IGSF21: variants seen among roughly 807,000 people sequenced by gnomAD.
IGSF21 encodes the protein immunoglobulin superfamily member 21.
A neutral mutation model predicts 46.8 loss-of-function variants in IGSF21; 28 were observed. The observed-to-expected ratio is 0.60, with a 90% CI of 0.44 to 0.82. The LOEUF (loss-of-function observed/expected upper bound fraction) is 0.82. Among genes scored for constraint, IGSF21 ranks in the 40% least tolerant of loss-of-function variants. IGSF21 has a pLI of 0.00. For synonymous variants in IGSF21, 284 were observed against 273.6 expected (o/e 1.04, Z -0.38); for missense variants, 624 against 665.5 (o/e 0.94, Z 0.69).
intron 2 of IGSF21, among the ~76,000 whole-genome samples, chr1:18,234,342 A>G (rs2084654305): frequency 6.6e-6 from 1 of 152,166 alleles, no homozygotes; most frequent in Non-Finnish European, 1.5e-5. Context: ...GTCTTATCAT[A>G]TCAGTCACAT....
chr1:18,281,008 TA>T (rs1367490144), intron 2 of IGSF21, among the ~76,000 whole-genome samples: 1 of 152,182 alleles, frequency 6.6e-6, no homozygotes, highest in Non-Finnish European at 1.5e-5. Flanking sequence ...CACCTGCTGC[TA>T]ATGTTTCTCT....
At chr1:18,287,485 TG>T (rs2085226380) in intron 2 of IGSF21, among the ~76,000 whole-genome samples, 1 of 152,132 alleles carries the variant, frequency 6.6e-6, no homozygotes, top group Non-Finnish European at 1.5e-5. Flanking sequence ...CAAGGACCTG[TG>T]TGTTTGTTCA....
intron 1 of IGSF21, among the ~76,000 whole-genome samples, chr1:18,222,759 A>T (rs563761769): frequency 6.6e-6 from 1 of 152,200 alleles, no homozygotes; most frequent in African/African-American, 2.4e-5. Flanking sequence ...CGTGCAGGGT[A>T]TGTGGAAGAT....
At chr1:18,324,780 GTGTGTCCCTAC>G (rs1553163735) in intron 3 of IGSF21, among the ~76,000 whole-genome samples, 1 of 152,162 alleles carries the variant, frequency 6.6e-6, no homozygotes, top group Non-Finnish European at 1.5e-5. Context: ...CCCGGAGGAA[GTGTGTCCCTAC>G]TGTGTCCCTG....
intron 9 of IGSF21, among the ~76,000 whole-genome samples, chr1:18,377,927 C>T (rs1270902896): frequency 6.6e-6 from 1 of 152,200 alleles, no homozygotes; most frequent in Non-Finnish European, 1.5e-5. Flanking sequence ...AGCCTGAGCA[C>T]CACCCCAGGG....
chr1:18,111,877 A>C (rs1278844643), intron 1 of IGSF21: 3 of 152,270 alleles, frequency 2.0e-5, no homozygotes, highest in Non-Finnish European at 4.4e-5. Context: ...GGCCGCAAAG[A>C]ATCCCTTGGG....
At chr1:18,235,429 T>C (rs1017593963) in intron 2 of IGSF21, among the ~76,000 whole-genome samples, 4 of 152,140 alleles carry the variant, frequency 2.6e-5, no homozygotes, top group Non-Finnish European at 1.5e-5. Flanking sequence ...GCAGTGCATA[T>C]AATTAAAATC....
intron 3 of IGSF21, among the ~76,000 whole-genome samples, chr1:18,321,783 A>G (rs1286109555): frequency 6.6e-6 from 1 of 152,216 alleles, no homozygotes; most frequent in African/African-American, 2.4e-5. Context: ...TGAGGAGGAC[A>G]CAGACATTTG....
At chr1:18,287,958 G>A (rs970743706) in intron 2 of IGSF21, among the ~76,000 whole-genome samples, 1 of 151,952 alleles carries the variant, frequency 6.6e-6, no homozygotes, top group African/African-American at 2.4e-5. Flanking sequence ...GGGTGGGGAG[G>A]GACACAGAAA....
At chr1:18,189,222 T>C (rs950785122) in intron 1 of IGSF21, among the ~76,000 whole-genome samples, 6 of 152,224 alleles carry the variant, frequency 3.9e-5, no homozygotes, top group Admixed American at 3.9e-4. Flanking sequence ...TCTTGCTATG[T>C]AGTTCTCTCT....
chr1:18,190,702 C>T (rs1239957701), intron 1 of IGSF21, among the ~76,000 whole-genome samples: 2 of 152,140 alleles, frequency 1.3e-5, no homozygotes, highest in East Asian at 3.9e-4. Flanking sequence ...AAGCCCCGGG[C>T]AGAAGGCTGG....
At chr1:18,177,264 G>C (rs2124465498) in intron 1 of IGSF21, among the ~76,000 whole-genome samples, 1 of 76,900 alleles carries the variant, frequency 1.3e-5, no homozygotes, top group Non-Finnish European at 2.9e-5. Context: ...GAAGGACTCA[G>C]ACAACAGGGC....
intron 3 of IGSF21, among the ~76,000 whole-genome samples, chr1:18,303,360 G>A (rs1374929762): frequency 6.6e-6 from 1 of 152,160 alleles, no homozygotes; most frequent in African/African-American, 2.4e-5. Context: ...AGAGCTGAGA[G>A]CTCCCCGTTA....
chr1:18,359,365 A>G (rs1557659516), intron 4 of IGSF21, among the ~76,000 whole-genome samples: 2 of 98,724 alleles, frequency 2.0e-5, no homozygotes, highest in East Asian at 2.5e-4. Flanking sequence ...AAAGAAAGAA[A>G]GAAAGAAAGA....
intron 3 of IGSF21, among the ~76,000 whole-genome samples, chr1:18,300,522 G>C (rs930748492): frequency 6.6e-6 from 1 of 152,236 alleles, no homozygotes; most frequent in African/African-American, 2.4e-5. Flanking sequence ...CCTGAGGCCA[G>C]AGTGAACTCA....
At chr1:18,129,105 T>C (rs1231566755) in intron 1 of IGSF21, among the ~76,000 whole-genome samples, 2 of 152,166 alleles carry the variant, frequency 1.3e-5, no homozygotes, top group African/African-American at 2.4e-5. Flanking sequence ...CAACAGTAAG[T>C]CAGTGCTATG....
rs1377412022 is a variant in IGSF21 at position 18,335,949 on chromosome 1, C to T, written c.424+939C>T. ...AGCCCCTCTCTCGCAGTTACTCATG[C>T]ACCACTCAGCTCCTCTGATAAAGGA... On this transcript the variant is annotated intron_variant, in intron 4 of 9. Transcript: ENST00000251296. This position sits in a 1 kb window ranked among gnomAD's most constrained non-coding sequence, Gnocchi z 4.8. 1.3e-5 allele frequency among the ~76,000 whole-genome samples: 2 copies of T among 152,182 alleles called. No homozygotes were observed.
chr1:18,290,311 T>G lies in IGSF21; in HGVS notation c.184-1555T>G, dbSNP rs2085253173. On this transcript the variant is annotated intron_variant, in intron 2 of 9. Coordinates refer to ENST00000251296, the MANE Select transcript of IGSF21 (RefSeq NM_032880.5). The surrounding 1 kb of genome is among the most constrained non-coding windows in gnomAD (Gnocchi z 4.2). ...CACATGGTCAGAAAGCGCCAAGCCCTCAGAGGGGAAGAAAGTGACGCGTGT... is the reference window on the plus strand; with the variant it reads ...CACATGGTCAGAAAGCGCCAAGCCCGCAGAGGGGAAGAAAGTGACGCGTGT... Among the ~76,000 whole-genome samples, 1 of 152,106 alleles carries G rather than the reference T, an allele frequency of 6.6e-6. No homozygotes were observed. The highest frequency in any genetic ancestry group is 6.5e-5 in the Admixed American group (1 of 15,276).
At chr1:18,281,065 A>AACT (rs200145631) in intron 2 of IGSF21, among the ~76,000 whole-genome samples, 1,761 of 104,960 alleles carry the variant, frequency 0.017, 33 homozygotes, top group Middle Eastern at 0.062. Context: ...CTCCCTGATG[A>AACT]CCCCTCTGTC....
Sources: gnomAD v4.1 joint callset for allele counts (sites outside exome capture counted in the v4.1 genomes callset) on GRCh38, gnomAD v4.1.1 for gene constraint, Gnocchi (gnomAD v3.1) non-coding constraint, MANE v1.5 for transcripts, NCBI Gene and HGNC (gene_info 2026-07-23, HGNC 2026-07-21) for gene names.